Variants in HDAC9 observed in about 807,000 individuals in gnomAD.
The protein encoded by HDAC9 is MEF-2 interacting transcription repressor (MITR) protein.
In HDAC9, 41 loss-of-function variants were observed where a neutral mutation model predicts 139.4. The ratio of observed to expected loss-of-function variants is 0.29; its 90% confidence interval spans 0.23 to 0.38. The LOEUF (loss-of-function observed/expected upper bound fraction) is 0.38, where lower values mean the gene tolerates loss of function less well. HDAC9 is among the 10% of genes least tolerant of loss of function. The pLI is 1.00. For synonymous variants in HDAC9, 517 were observed against 476.2 expected (o/e 1.09, Z -1.12); for missense variants, 1,147 against 1,297.0 (o/e 0.88, Z 1.78).
intron 1 of HDAC9, among the ~76,000 whole-genome samples, chr7:18,326,763 A>G (rs893914778): frequency 6.6e-6 from 1 of 151,930 alleles, no homozygotes; most frequent in Non-Finnish European, 1.5e-5. Context: ...TTTGTAAGCT[A>G]TTTCTTTCTA....
intron 1 of HDAC9, among the ~76,000 whole-genome samples, chr7:18,090,474 A>G (rs918419276): frequency 6.6e-6 from 1 of 152,210 alleles, no homozygotes; most frequent in Non-Finnish European, 1.5e-5. Flanking sequence ...TGTTCTTGCA[A>G]TCAATCCATA....
intron 2 of HDAC9, among the ~76,000 whole-genome samples, chr7:18,220,313 A>G (rs1792609030): frequency 6.6e-6 from 1 of 152,196 alleles, no homozygotes; most frequent in Admixed American, 6.5e-5. Flanking sequence ...TGAAAGATTA[A>G]AAATAGAATA....
chr7:18,616,161 CT>C (rs1562589908), intron 6 of HDAC9, among the ~76,000 whole-genome samples: 2 of 152,156 alleles, frequency 1.3e-5, no homozygotes, highest in South Asian at 4.1e-4. Flanking sequence ...CCAAGTTAAT[CT>C]TTTTTAAGTC....
chr7:18,714,469 C>G (rs1169114840), intron 12 of HDAC9, among the ~76,000 whole-genome samples: 1 of 152,144 alleles, frequency 6.6e-6, no homozygotes, highest in Non-Finnish European at 1.5e-5. Context: ...TATTCATTCC[C>G]CAGAATCTCC....
chr7:18,580,287 T>A (rs1827393476), intron 2 of HDAC9, among the ~76,000 whole-genome samples: 1 of 152,198 alleles, frequency 6.6e-6, no homozygotes, highest in African/African-American at 2.4e-5. Context: ...ACTCAAATGT[T>A]TCTTGAAAAT....
intron 14 of HDAC9, among the ~76,000 whole-genome samples, chr7:18,755,594 AG>A (rs1210043051): frequency 6.6e-6 from 1 of 152,164 alleles, no homozygotes; most frequent in East Asian, 1.9e-4. Flanking sequence ...ATTGCAATGT[AG>A]GGGGTTCAGT....
chr7:18,307,059 G>A (rs1798959959), intron 1 of HDAC9, among the ~76,000 whole-genome samples: 1 of 151,276 alleles, frequency 6.6e-6, no homozygotes, highest in Non-Finnish European at 1.5e-5. Flanking sequence ...TTTATTGTGT[G>A]TTTATATCTT....
At position 18,478,944 on chromosome 7, in the gene HDAC9, A is replaced by G. The variant is rs548362624; in HGVS notation, c.-41-17318A>G. On this transcript the variant is annotated intron_variant, in intron 1 of 3. Coordinates refer to the HDAC9 transcript ENST00000413509. ...AGAGTTTCTTTTCCATCACTTGCCT[A>G]TTTTCTTTTGCCAACTTTATTATTG... Among the ~76,000 whole-genome samples the G allele has an allele frequency of 4.4e-4, 67 of 151,634 alleles. 1 individual carries two copies. The highest frequency in any genetic ancestry group is 5.0e-4 in the Non-Finnish European group (34 of 67,792).
At chr7:18,640,357 T>TAAA (rs56655676) in intron 8 of HDAC9, among the ~76,000 whole-genome samples, 4 of 66,078 alleles carry the variant, frequency 6.1e-5, no homozygotes, top group Non-Finnish European at 5.7e-5. Flanking sequence ...GATCCTGTCT[T>TAAA]AAAAAAAAAA....
At chr7:18,147,036 T>C (rs1161845873) in intron 1 of HDAC9, among the ~76,000 whole-genome samples, 3 of 152,218 alleles carry the variant, frequency 2.0e-5, no homozygotes, top group Non-Finnish European at 2.9e-5. Flanking sequence ...TTGAGCCTCA[T>C]TGGTGGAGGG....
intron 1 of HDAC9, among the ~76,000 whole-genome samples, chr7:18,487,014 T>G (rs1388931866): frequency 6.6e-6 from 1 of 152,106 alleles, no homozygotes; most frequent in Non-Finnish European, 1.5e-5. Context: ...AAGGATTTAC[T>G]GCTTTTAGCT....
intron 9 of HDAC9, among the ~76,000 whole-genome samples, chr7:18,646,044 A>G (rs1387846300): frequency 6.6e-6 from 1 of 152,184 alleles, no homozygotes; most frequent in Non-Finnish European, 1.5e-5. Flanking sequence ...TCCACATGAA[A>G]CATTTGTAAA....
intron 1 of HDAC9, among the ~76,000 whole-genome samples, chr7:18,103,435 C>T (rs1355844694): frequency 1.3e-5 from 2 of 152,126 alleles, no homozygotes; most frequent in African/African-American, 4.8e-5. Flanking sequence ...TCCCATCACT[C>T]AAATAGTGAA....
chr7:18,390,804 T>G (rs1786401148), intron 1 of HDAC9, among the ~76,000 whole-genome samples: 1 of 152,204 alleles, frequency 6.6e-6, no homozygotes, highest in African/African-American at 2.4e-5. Flanking sequence ...AACATTGTGT[T>G]TGGGCTGGGC....
intron 2 of HDAC9, among the ~76,000 whole-genome samples, chr7:18,238,148 A>T (rs539841525): frequency 6.6e-6 from 1 of 152,218 alleles, no homozygotes; most frequent in Non-Finnish European, 1.5e-5. Context: ...CTCAAGAGCT[A>T]GTTTACTTCC....
intron 14 of HDAC9, among the ~76,000 whole-genome samples, chr7:18,759,656 C>G (rs886571021): frequency 6.6e-6 from 1 of 152,190 alleles, no homozygotes; most frequent in African/African-American, 2.4e-5. Flanking sequence ...CCATCTCCTC[C>G]ACTTTTTTTG....
intron 1 of HDAC9, among the ~76,000 whole-genome samples, chr7:18,444,402 A>G (rs1236939211): frequency 1.3e-5 from 2 of 151,126 alleles, no homozygotes; most frequent in African/African-American, 4.9e-5. Flanking sequence ...AATGAAGTAC[A>G]TGTCTCAATA....
intron 12 of HDAC9, among the ~76,000 whole-genome samples, chr7:18,711,664 C>A (rs1784354832): frequency 6.6e-6 from 1 of 152,212 alleles, no homozygotes; most frequent in South Asian, 2.1e-4. Flanking sequence ...CCTCAGAGTG[C>A]AAAGTGACTC....
intron 13 of HDAC9, among the ~76,000 whole-genome samples, chr7:18,738,086 G>C (rs1201960166): frequency 2.6e-5 from 4 of 152,104 alleles, no homozygotes; most frequent in Non-Finnish European, 5.9e-5. Context: ...TGCAACCCCT[G>C]CTTTTTTTTG....
Sources: allele counts gnomAD v4.1 joint callset (sites outside exome capture counted in the v4.1 genomes callset), GRCh38; gene constraint gnomAD v4.1.1; transcripts MANE v1.5; gene names NCBI Gene and HGNC (gene_info 2026-07-23, HGNC 2026-07-21).